LRSAM1: variants seen among roughly 807,000 people sequenced by gnomAD.
The protein encoded by LRSAM1 is leucine rich repeat and sterile alpha motif containing 1.
In LRSAM1, 96 loss-of-function variants were observed where a neutral mutation model predicts 118.1. That is an observed-to-expected ratio of 0.81 (90% confidence interval 0.69 to 0.96). The LOEUF is 0.96. Among genes scored for constraint, LRSAM1 ranks in the 40% least tolerant of loss-of-function variants. The pLI is 0.00. For missense variants in LRSAM1, 804 were observed against 915.5 expected (o/e 0.88, Z 1.57); for synonymous variants, 322 against 364.2 (o/e 0.88, Z 1.32).
intron 9 of LRSAM1, among the ~76,000 whole-genome samples, chr9:127,467,110 T>G (rs985699186): frequency 6.6e-6 from 1 of 152,172 alleles, no homozygotes; most frequent in African/African-American, 2.4e-5. Flanking sequence ...GAGAGGCAGC[T>G]AATGCTCAAA....
At chr9:127,475,296 G>C (rs1835312810) in intron 11 of LRSAM1, among the ~76,000 whole-genome samples, 1 of 152,070 alleles carries the variant, frequency 6.6e-6, no homozygotes, top group African/African-American at 2.4e-5. Flanking sequence ...TTTGAGACCA[G>C]CTTGGCCAAC....
chr9:127,503,003 C>A lies in LRSAM1; in HGVS notation c.*104C>A, dbSNP rs559889288. 32 of 1,477,526 alleles carry A rather than the reference C, an allele frequency of 2.2e-5. No individual in the cohort carries two copies. Among genetic ancestry groups the A allele is most frequent in the Non-Finnish European group, 2.6e-5 (28 of 1,092,266 alleles). The allele number at this position is 1,477,526 out of a possible 1,614,324, so 91.5% of individuals were successfully genotyped here. A position where few individuals can be genotyped will look rare whatever the true frequency, so the allele number is the denominator to read the frequency against. ...CAGCCAGACTCGTATGAGGCTCCCCCCTGCCCTGGGCCCCTTCCCCACTGC... is the reference window on the plus strand; with the variant it reads ...CAGCCAGACTCGTATGAGGCTCCCCACTGCCCTGGGCCCCTTCCCCACTGC... On this transcript the variant is annotated 3_prime_UTR_variant, in exon 26 of 26. Coordinates refer to ENST00000300417, the MANE Select transcript of LRSAM1 (RefSeq NM_001005373.4).
intron 24 of LRSAM1, among the ~76,000 whole-genome samples, chr9:127,498,627 C>T (rs1265465588): frequency 6.6e-6 from 1 of 152,226 alleles, no homozygotes; most frequent in Non-Finnish European, 1.5e-5. Context: ...CTGGGCTGCT[C>T]AGGGCTTCCT....
chr9:127,465,008 C>A lies in LRSAM1; in HGVS notation c.528+2635C>A, dbSNP rs183189376. Among the ~76,000 whole-genome samples, 152 of 152,122 alleles carry A rather than the reference C, an allele frequency of 1.0e-3. No individual in the cohort carries two copies. The highest frequency in any genetic ancestry group is 1.8e-3 in the Non-Finnish European group (119 of 67,978). On this transcript the variant is annotated intron_variant, in intron 9 of 25. Transcript: ENST00000300417. This position sits in a 1 kb window ranked among gnomAD's most constrained non-coding sequence, Gnocchi z 4.1. Reference sequence around the variant, plus strand: ...TTGGGTTTCTTGGTGGCACCTCGGACAAACCTTCTTTTAGGATGAGATAAC... The same window carrying A: ...TTGGGTTTCTTGGTGGCACCTCGGAAAAACCTTCTTTTAGGATGAGATAAC...
chr9:127,486,986 C>T (rs920192283), intron 17 of LRSAM1, among the ~76,000 whole-genome samples: 11 of 152,058 alleles, frequency 7.2e-5, no homozygotes, highest in Middle Eastern at 3.4e-3. Context: ...AGTTTGAGAC[C>T]AGCCTGGCCA....
chr9:127,461,298 C>T (rs1416349119), intron 8 of LRSAM1, 41 bp downstream of exon 8: 6 of 1,577,078 alleles, frequency 3.8e-6, no homozygotes, highest in Non-Finnish European at 5.2e-6. Flanking sequence ...CCTCCATCAG[C>T]TCTGGGCCAT....
At chr9:127,498,485 C>T (rs1052754209) in intron 24 of LRSAM1, among the ~76,000 whole-genome samples, 1 of 152,180 alleles carries the variant, frequency 6.6e-6, no homozygotes, top group African/African-American at 2.4e-5. Flanking sequence ...GGTGCAGTGC[C>T]TCTGAGCCCA....
chr9:127,489,568 G>C (rs1209295757), intron 19 of LRSAM1, 50 bp downstream of exon 19: 4 of 1,568,290 alleles, frequency 2.6e-6, no homozygotes, highest in East Asian at 2.3e-5. Flanking sequence ...GAGACTTGCA[G>C]AGTGGCCCTC....
In LRSAM1 at chr9:127,458,314, G is replaced by A. The variant is rs370511765; in HGVS notation, c.253-689G>A. Among the ~76,000 whole-genome samples the A allele has an allele frequency of 4.7e-4, 71 of 151,828 alleles. 1 individual carries two copies. In the East Asian group the frequency reaches 0.011, roughly 23 times the overall value. On this transcript the variant is annotated intron_variant, in intron 6 of 25. Coordinates refer to ENST00000300417, the MANE Select transcript of LRSAM1 (RefSeq NM_001005373.4). ...GGAGAATGGCGTGAACCCGGGAAGC[G>A]GAGCTTGCAGTGAGCCGAGATTGCG...
intron 20 of LRSAM1, among the ~76,000 whole-genome samples, chr9:127,491,573 A>T (rs1835934138): frequency 2.0e-5 from 3 of 152,042 alleles, no homozygotes; most frequent in Admixed American, 2.0e-4. Context: ...CATCTCCATC[A>T]CTGTGTCTCC....
At chr9:127,482,489 G>A (rs939023274) in intron 15 of LRSAM1, among the ~76,000 whole-genome samples, 3 of 152,126 alleles carry the variant, frequency 2.0e-5, no homozygotes, top group Non-Finnish European at 2.9e-5. Flanking sequence ...TTTGCTAGGT[G>A]CCAACTTACC....
rs757322928 is a variant in LRSAM1 at position 127,502,908 on chromosome 9, C to T, written c.*9C>T. 12 of 1,588,160 alleles carry T rather than the reference C, an allele frequency of 7.6e-6. No individual in the cohort carries two copies. The highest frequency in any genetic ancestry group is 6.9e-5 in the East Asian group (3 of 43,206). ...TCTACCACAGCAGCTGAGTGCTGCC[C>T]GCCCACCTGGGCCTGGTCCTAGCCC... On this transcript the variant is annotated 3_prime_UTR_variant, in exon 26 of 26. Transcript: ENST00000300417.
chr9:127,474,545 C>T (rs1441457271), intron 11 of LRSAM1, among the ~76,000 whole-genome samples: 1 of 152,218 alleles, frequency 6.6e-6, no homozygotes, highest in African/African-American at 2.4e-5. Context: ...GCACTTATCA[C>T]AGCGCTAAAT....
At chr9:127,473,986 ATG>A in intron 11 of LRSAM1, 55 bp downstream of exon 11, 1 of 1,611,982 alleles carries the variant, frequency 6.2e-7, no homozygotes, top group African/African-American at 1.3e-5. Flanking sequence ...GTGTGCATGT[ATG>A]TGTGTTGAGG....
Position 127,502,788 on chromosome 9 carries a change from C to T in LRSAM1, c.2061C>T (p.Phe687=). 2 of 1,612,982 alleles carry T rather than the reference C, an allele frequency of 1.2e-6. No individual in the cohort carries two copies. The highest frequency in any genetic ancestry group is 1.7e-6 in the Non-Finnish European group (2 of 1,179,796). ...TCCCTCCCCAGGCCCAGATGATCTT[C>T]CTCAACTGTGGCCACGTCTGCTGCT... The part of the protein sequence containing the change: ...VCLEREAQMI[F]LNCGHVCCCQ... Residue 687 remains phenylalanine, a synonymous_variant, in exon 26 of 26, where the codon TTC becomes TTT. Transcript: ENST00000300417.
At position 127,496,082 on chromosome 9, in the gene LRSAM1, G is replaced by A. The variant is rs368858589; in HGVS notation, c.1817G>A (p.Gly606Glu). 1.3e-5 allele frequency: 21 copies of A among 1,610,478 alleles called. No homozygotes were observed. The highest frequency in any genetic ancestry group is 3.3e-4 in the Middle Eastern group (2 of 6,062). ...SLDLLSQMSPGDLAKVGVSEA... is the reference protein window; with the variant it reads ...SLDLLSQMSPEDLAKVGVSEA... ...GACCTGCTGAGCCAAATGAGCCCAG[G>A]GGACCTGGCCAAGGTGGGCAGCAGC... Residue 606 changes from glycine (G) to glutamate (E), a missense_variant, in exon 23 of 26, where the codon GGG becomes GAG. By Grantham distance (98) the Gly-to-Glu change is moderately conservative (BLOSUM62 -2). Coordinates refer to ENST00000300417, the MANE Select transcript of LRSAM1 (RefSeq NM_001005373.4).
chr9:127,456,351 A>G (rs1834518097), intron 5 of LRSAM1, among the ~76,000 whole-genome samples: 1 of 151,350 alleles, frequency 6.6e-6, no homozygotes, highest in Non-Finnish European at 1.5e-5. Flanking sequence ...CTCCTGCCTC[A>G]GCCTCCTGAG....
At position 127,502,837 on chromosome 9, in the gene LRSAM1, C is replaced by A. The variant is rs150984897; in HGVS notation, c.2110C>A (p.Arg704Ser). The A allele has an allele frequency of 1.2e-6, 2 of 1,612,004 alleles. No individual in the cohort carries two copies. Among genetic ancestry groups the A allele is most frequent in the Admixed American group, 1.7e-5 (1 of 59,882 alleles). ...CCCQQCCQPL[R>S]TCPLCRQDIA... ...CTGCCAGCAGTGCTGCCAGCCACTG[C>A]GCACCTGCCCGCTGTGCCGCCAGGA... The change falls in exon 26 of 26, where the codon CGC becomes AGC. Residue 704 changes from arginine to serine, a missense_variant. Coordinates refer to ENST00000300417, the MANE Select transcript of LRSAM1 (RefSeq NM_001005373.4).
rs763189614 is a variant in LRSAM1, at chr9:127,501,151, CG to C, written c.2046+12del. On this transcript the variant is annotated intron_variant, in intron 25 of 25. Transcript: ENST00000300417. The stretch of plus-strand genomic sequence containing the variant: ...GTGTGCCTGGAACGGGAGGTAAGTC[CG>C]GGGCCCTCCCCACCCGCCTGCCCTG... 2 of 1,611,482 alleles carry C rather than the reference CG, an allele frequency of 1.2e-6. No homozygotes were observed. The highest frequency in any genetic ancestry group is 2.2e-5 in the South Asian group (2 of 91,002).
Sources: gnomAD v4.1 joint callset for allele counts (sites outside exome capture counted in the v4.1 genomes callset) on GRCh38, gnomAD v4.1.1 for gene constraint, Gnocchi (gnomAD v3.1) non-coding constraint, MANE v1.5 for transcripts, NCBI Gene and HGNC (gene_info 2026-07-23, HGNC 2026-07-21) for gene names.